BICD1: variants seen among roughly 807,000 people sequenced by gnomAD.
BICD1 encodes the protein BICD cargo adaptor 1.
A neutral mutation model predicts 92.5 loss-of-function variants in BICD1; 35 were observed. The ratio of observed to expected loss-of-function variants is 0.38; its 90% CI spans 0.29 to 0.50. The LOEUF (loss-of-function observed/expected upper bound fraction) is 0.50, where lower values mean the gene tolerates loss of function less well. BICD1 is among the 20% of genes least tolerant of loss of function. The pLI is 0.93. For missense variants in BICD1, 950 were observed against 1,189.8 expected (o/e 0.80, Z 2.97); for synonymous variants, 429 against 465.1 (o/e 0.92, Z 1.00).
chr12:32,195,997 T>G (rs1472768461), intron 1 of BICD1, among the ~76,000 whole-genome samples: 1 of 152,154 alleles, frequency 6.6e-6, no homozygotes, highest in Non-Finnish European at 1.5e-5. Context: ...TGAATGGACA[T>G]TTTTCCAAAG....
intron 8 of BICD1, 173 bp from the exon 9 acceptor site, chr12:32,367,497 C>A: frequency 1.9e-6 from 1 of 519,498 alleles, no homozygotes; most frequent in South Asian, 3.3e-5. Flanking sequence ...AAAAAAAAGC[C>A]TGTCTTTTCT....
rs919812294 is a variant in BICD1 at position 32,316,706 on chromosome 12, T to A, written c.1005+10584T>A. On this transcript the variant is annotated intron_variant, in intron 4 of 9. Coordinates refer to ENST00000652176, the MANE Select transcript of BICD1 (RefSeq NM_001714.4). ...TGCACTTCTTTTTTTTTTCTTTTTT[T>A]AAAATTTTATTATTATACTTTAAGT... 1.1e-4 allele frequency among the ~76,000 whole-genome samples: 17 copies of A among 152,282 alleles called. No individual in the cohort carries two copies. The East Asian group carries it at 1.7e-3, about 16-fold the overall frequency.
intron 1 of BICD1, among the ~76,000 whole-genome samples, chr12:32,163,877 T>C (rs902904371): frequency 6.6e-6 from 1 of 152,228 alleles, no homozygotes; most frequent in Non-Finnish European, 1.5e-5. Context: ...CGTTATCATT[T>C]CACATGTGTA....
At chr12:32,209,431 G>A (rs1261779295) in intron 1 of BICD1, among the ~76,000 whole-genome samples, 1 of 152,192 alleles carries the variant, frequency 6.6e-6, no homozygotes, top group Non-Finnish European at 1.5e-5. Flanking sequence ...ATTTAATGCT[G>A]AATTTCCTGG....
At chr12:32,251,741 T>A (rs1240974242) in intron 2 of BICD1, among the ~76,000 whole-genome samples, 1 of 151,778 alleles carries the variant, frequency 6.6e-6, no homozygotes, top group Non-Finnish European at 1.5e-5. Flanking sequence ...ATAAATAATA[T>A]CTTTATACTT....
At chr12:32,348,896 A>G (rs1340820583) in intron 8 of BICD1, among the ~76,000 whole-genome samples, 7 of 151,828 alleles carry the variant, frequency 4.6e-5, no homozygotes, top group Admixed American at 4.6e-4. Context: ...AAACTAGTCT[A>G]AATCCAGAAT....
chr12:32,110,830 A>C (rs1025657456), intron 1 of BICD1, among the ~76,000 whole-genome samples: 3 of 108,564 alleles, frequency 2.8e-5, no homozygotes, highest in African/African-American at 1.1e-4. Context: ...CACTCTGGGG[A>C]CTGTTGTGGG....
intron 1 of BICD1, among the ~76,000 whole-genome samples, chr12:32,207,219 C>G (rs966205959): frequency 2.6e-5 from 3 of 115,622 alleles, no homozygotes; most frequent in African/African-American, 9.7e-5. Context: ...TGTGCATATT[C>G]AATATGTAAC....
chr12:32,191,959 G>A (rs546886194), intron 1 of BICD1, among the ~76,000 whole-genome samples: 1 of 152,098 alleles, frequency 6.6e-6, no homozygotes, highest in African/African-American at 2.4e-5. Flanking sequence ...GCCTCTAATT[G>A]TTCAAGTGAA....
intron 1 of BICD1, among the ~76,000 whole-genome samples, chr12:32,159,327 A>G (rs1260151018): frequency 6.6e-6 from 1 of 152,214 alleles, no homozygotes; most frequent in African/African-American, 2.4e-5. Flanking sequence ...TAGGGGACAC[A>G]GAATCTGCTC....
chr12:32,113,571 T>A lies in BICD1; in HGVS notation c.213+6027T>A, dbSNP rs1282260658. 2.0e-5 allele frequency among the ~76,000 whole-genome samples: 3 copies of A among 148,826 alleles called. 1 individual carries two copies. Among genetic ancestry groups the A allele is most frequent in the African/African-American group, 7.5e-5 (3 of 40,146 alleles). The stretch of plus-strand genomic sequence containing the variant: ...TGGCTAATTTTTTTTTGAGACTGAG[T>A]CTCCCTCTGTTTCCCCAGCTGGAGT... On this transcript the variant is annotated intron_variant, in intron 1 of 9. Coordinates refer to ENST00000652176, the MANE Select transcript of BICD1 (RefSeq NM_001714.4).
At chr12:32,362,294 A>C (rs1828724635) in intron 8 of BICD1, among the ~76,000 whole-genome samples, 1 of 152,338 alleles carries the variant, frequency 6.6e-6, no homozygotes, top group African/African-American at 2.4e-5. Flanking sequence ...CGCGAGGCGG[A>C]GGTTGCAGTG....
At chr12:32,297,314 G>A (rs1313779964) in intron 3 of BICD1, among the ~76,000 whole-genome samples, 4 of 152,046 alleles carry the variant, frequency 2.6e-5, no homozygotes, top group Non-Finnish European at 5.9e-5. Context: ...CTTGTGACTC[G>A]GCCTCCTGAG....
intron 6 of BICD1, among the ~76,000 whole-genome samples, chr12:32,336,479 A>T (rs1257334003): frequency 2.0e-5 from 3 of 152,200 alleles, no homozygotes; most frequent in Non-Finnish European, 2.9e-5. Context: ...TTGCTCTGTC[A>T]TCTGGTTGAG....
intron 8 of BICD1, among the ~76,000 whole-genome samples, chr12:32,350,545 G>GT (rs1592709131): frequency 6.6e-6 from 1 of 152,176 alleles, no homozygotes; most frequent in African/African-American, 2.4e-5. Flanking sequence ...ACTACTTAAA[G>GT]TGACCTAGTA....
chr12:32,263,960 G>T (rs1946927319), intron 2 of BICD1, among the ~76,000 whole-genome samples: 1 of 152,132 alleles, frequency 6.6e-6, no homozygotes, highest in African/African-American at 2.4e-5. Flanking sequence ...CAAAACATCT[G>T]CAAGTAGAGT....
chr12:32,216,350 T>TG lies in BICD1; in HGVS notation c.321dup (p.Lys108GlufsTer18), dbSNP rs1945361670. The TG allele has an allele frequency of 6.2e-7, 1 of 1,614,036 alleles. No individual in the cohort carries two copies. Among genetic ancestry groups the TG allele is most frequent in the Non-Finnish European group, 8.5e-7 (1 of 1,180,048 alleles). On this transcript the variant is annotated frameshift_variant, in exon 2 of 10. Coordinates refer to ENST00000652176, the MANE Select transcript of BICD1 (RefSeq NM_001714.4). LOFTEE classifies it high-confidence loss of function. ...TCAGCATCGAAGGAGGCTTACTATC[T>TG]GGGGAAGATCTTGGAGATGCAGAAC...
intron 1 of BICD1, among the ~76,000 whole-genome samples, chr12:32,138,072 T>A (rs971150445): frequency 2.6e-5 from 4 of 152,182 alleles, no homozygotes; most frequent in Non-Finnish European, 4.4e-5. Flanking sequence ...GTGCTGAGAT[T>A]ACAGGCGTGA....
At chr12:32,332,746 C>T in intron 5 of BICD1, 1 of 608,544 alleles carries the variant, frequency 1.6e-6, no homozygotes, top group Non-Finnish European at 2.1e-6. Flanking sequence ...AAGTTGTTTT[C>T]CAGAGGAGGA....
Sources: gnomAD v4.1 joint callset for allele counts (sites outside exome capture counted in the v4.1 genomes callset) on GRCh38, gnomAD v4.1.1 for gene constraint, MANE v1.5 for transcripts, NCBI Gene and HGNC (gene_info 2026-07-23, HGNC 2026-07-21) for gene names.